WWP1: variants seen among roughly 807,000 people sequenced by gnomAD.
The protein encoded by WWP1 is NEDD4-like E3 ubiquitin-protein ligase WWP1.
WWP1 carries 49 observed loss-of-function variants against 130.6 expected under a neutral mutation model. That is an observed-to-expected ratio of 0.38 (90% CI 0.30 to 0.48). The LOEUF (loss-of-function observed/expected upper bound fraction) is 0.48, where lower values mean the gene tolerates loss of function less well. Ranked by LOEUF, WWP1 falls within the 20% of genes least tolerant of loss-of-function variation. WWP1 has a pLI of 0.99. For missense variants in WWP1, 809 were observed against 1,100.6 expected, an observed-to-expected ratio of 0.74 and a Z score of 3.75; for synonymous variants, 332 against 367.8, an observed-to-expected ratio of 0.90 and a Z score of 1.11.
intron 2 of WWP1, among the ~76,000 whole-genome samples, chr8:86,372,572 T>C (rs1824383838): frequency 6.6e-6 from 1 of 152,238 alleles, no homozygotes; most frequent in South Asian, 2.1e-4. Flanking sequence ...CCCTTTCATA[T>C]TTATGTCATT....
At chr8:86,398,996 ACTTTTT>A (rs1807827907) in intron 7 of WWP1, among the ~76,000 whole-genome samples, 1 of 152,080 alleles carries the variant, frequency 6.6e-6, no homozygotes, top group Admixed American at 6.5e-5. Context: ...CCATGAATCT[ACTTTTT>A]CTGTGTCTGT....
intron 9 of WWP1, among the ~76,000 whole-genome samples, chr8:86,421,815 G>A (rs1440509840): frequency 2.0e-5 from 3 of 151,172 alleles, no homozygotes; most frequent in South Asian, 2.1e-4. Context: ...AGAGCGAGAC[G>A]CCATCTCAAA....
chr8:86,376,779 A>G (rs1395793734), intron 3 of WWP1, among the ~76,000 whole-genome samples: 1 of 152,226 alleles, frequency 6.6e-6, no homozygotes, highest in African/African-American at 2.4e-5. Flanking sequence ...TTTGAAATAC[A>G]GTGATCCTTT....
At chr8:86,365,185 A>G (rs1340921995) in intron 1 of WWP1, among the ~76,000 whole-genome samples, 1 of 152,216 alleles carries the variant, frequency 6.6e-6, no homozygotes, top group African/African-American at 2.4e-5. Context: ...AAATTGGGTG[A>G]TAACGAATAG....
In WWP1 at chr8:86,398,199, C is replaced by T. The variant is rs1029753971; in HGVS notation, c.335-143C>T. 65 of 856,626 alleles carry T rather than the reference C, an allele frequency of 7.6e-5. 1 individual carries two copies. In the Middle Eastern group the frequency reaches 1.6e-3, roughly 21 times the overall value. 53.1% of individuals were successfully genotyped at this position (856,626 alleles called of 1,614,324 possible). On this transcript the variant is annotated intron_variant, in intron 5 of 24. Coordinates refer to ENST00000517970, the MANE Select transcript of WWP1 (RefSeq NM_007013.4). ...GGGATTGAGGGGGAAAGAGGAATTA[C>T]TTAACTAGTTGTCAAAGGCATGCAA...
At chr8:86,345,264 A>C (rs1198050573) in intron 1 of WWP1, among the ~76,000 whole-genome samples, 1 of 152,204 alleles carries the variant, frequency 6.6e-6, no homozygotes, top group Non-Finnish European at 1.5e-5. Flanking sequence ...GTGCTACTTT[A>C]CAACTTTTTG....
chr8:86,382,251 A>G (rs1328807251), intron 5 of WWP1, among the ~76,000 whole-genome samples: 3 of 152,164 alleles, frequency 2.0e-5, no homozygotes, highest in Non-Finnish European at 4.4e-5. Context: ...TACTTTTTCT[A>G]GACTGGGATT....
At chr8:86,362,019 C>A in intron 1 of WWP1, among the ~76,000 whole-genome samples, 1 of 126,126 alleles carries the variant, frequency 7.9e-6, no homozygotes. Flanking sequence ...TATATATATA[C>A]ACATATATAT....
intron 1 of WWP1, among the ~76,000 whole-genome samples, chr8:86,360,377 T>G (rs2130189804): frequency 6.6e-6 from 1 of 152,332 alleles, no homozygotes; most frequent in South Asian, 2.1e-4. Flanking sequence ...TTGGTGGAGT[T>G]GGTCACTGTT....
intron 17 of WWP1, among the ~76,000 whole-genome samples, chr8:86,441,176 T>C (rs1810572050): frequency 6.6e-6 from 1 of 152,218 alleles, no homozygotes; most frequent in Non-Finnish European, 1.5e-5. Flanking sequence ...ATCTGAAGCA[T>C]CTGGAGGGTT....
rs200692115 is a variant in WWP1, at chr8:86,374,026, A to C, written c.-21-4A>C. The C allele has an allele frequency of 5.5e-5, 87 of 1,586,092 alleles. No homozygotes were observed. The highest frequency in any genetic ancestry group is 2.7e-5 in the African/African-American group (2 of 73,066). ...CATGAATAAATTCCCCTTTTTTAAA[A>C]TAGGTTTTAGCTGAATTTTGGGACA... On this transcript the variant is annotated splice_region_variant and splice_polypyrimidine_tract_variant and intron_variant, in intron 2 of 24. Transcript: ENST00000517970.
rs764301227 is a variant in WWP1 at position 86,438,535 on chromosome 8, A to G, written c.1750-50A>G. 4.4e-6 allele frequency: 6 copies of G among 1,377,718 alleles called. No homozygotes were observed. In the East Asian group the frequency reaches 9.3e-5, roughly 21 times the overall value. 85.3% of individuals were successfully genotyped at this position (1,377,718 alleles called of 1,614,324 possible). A position where few individuals can be genotyped will look rare whatever the true frequency, so the allele number is the denominator to read the frequency against. On this transcript the variant is annotated intron_variant, in intron 16 of 24. Transcript: ENST00000517970. Reference sequence around the variant, plus strand: ...TTAAATTTAAATTGTTTTGAAAGGAACTTGTACTGCATGTGAGTATTTAAT... The same window carrying G: ...TTAAATTTAAATTGTTTTGAAAGGAGCTTGTACTGCATGTGAGTATTTAAT...
chr8:86,348,457 A>G (rs1434194850), intron 1 of WWP1, among the ~76,000 whole-genome samples: 1 of 152,152 alleles, frequency 6.6e-6, no homozygotes, highest in Non-Finnish European at 1.5e-5. Flanking sequence ...ACCACAGGTG[A>G]TCTGCCCGCC....
intron 8 of WWP1, among the ~76,000 whole-genome samples, chr8:86,407,009 A>G (rs1808316270): frequency 6.6e-6 from 1 of 152,220 alleles, no homozygotes; most frequent in Non-Finnish European, 1.5e-5. Context: ...CCTCTCAAAG[A>G]TTAAACATGA....
At chr8:86,380,651 A>T in intron 3 of WWP1, 75 bp from the exon 4 acceptor site, 1 of 1,429,460 alleles carries the variant, frequency 7.0e-7, no homozygotes, top group Non-Finnish European at 9.2e-7. Flanking sequence ...GCACAATTCC[A>T]TTCTTATTGA....
intron 1 of WWP1, among the ~76,000 whole-genome samples, chr8:86,368,735 A>T (rs191627762): frequency 1.0e-3 from 154 of 152,196 alleles, no homozygotes; most frequent in Non-Finnish European, 1.9e-3. Context: ...AGTTCTCTGG[A>T]TGTGCCGTTC....
intron 1 of WWP1, among the ~76,000 whole-genome samples, chr8:86,347,265 C>T (rs972732897): frequency 8.5e-5 from 13 of 152,118 alleles, no homozygotes; most frequent in Non-Finnish European, 1.6e-4. Flanking sequence ...GAATTACAGG[C>T]GTGAGCCATC....
intron 1 of WWP1, among the ~76,000 whole-genome samples, chr8:86,366,674 A>G (rs1823990543): frequency 6.6e-6 from 1 of 152,174 alleles, no homozygotes; most frequent in Non-Finnish European, 1.5e-5. Flanking sequence ...AGATACATCA[A>G]GAGAGCTGTC....
intron 21 of WWP1, among the ~76,000 whole-genome samples, chr8:86,454,330 A>G (rs540502709): frequency 2.0e-5 from 3 of 151,992 alleles, no homozygotes; most frequent in African/African-American, 7.2e-5. Context: ...TTTTTCTCAA[A>G]TATTTTCAAT....
Sources: gnomAD v4.1 joint callset for allele counts (sites outside exome capture counted in the v4.1 genomes callset) on GRCh38, gnomAD v4.1.1 for gene constraint, MANE v1.5 for transcripts, NCBI Gene and HGNC (gene_info 2026-07-23, HGNC 2026-07-21) for gene names.